Variants in KLHDC4 observed in about 807,000 individuals in gnomAD.
KLHDC4 encodes the protein kelch domain-containing protein 4.
A neutral mutation model predicts 62.4 loss-of-function variants in KLHDC4; 90 were observed. That is an observed-to-expected ratio of 1.44 (90% CI 1.22 to 1.72). The LOEUF (loss-of-function observed/expected upper bound fraction) is 1.72. Among genes scored for constraint, KLHDC4 ranks in the 40% most tolerant of loss-of-function variants. The pLI, the probability that KLHDC4 is intolerant of heterozygous loss-of-function variation, is 0.00. For synonymous variants in KLHDC4, 386 were observed against 284.4 expected (o/e 1.36, Z -3.59); for missense variants, 1,025 against 699.7 (o/e 1.47, Z -5.25).
In KLHDC4 at chr16:87,709,618, G is replaced by A. The variant is rs766273000; in HGVS notation, c.1094C>T (p.Pro365Leu). 1 of 1,609,878 alleles carries A rather than the reference G, an allele frequency of 6.2e-7. No individual in the cohort carries two copies. Among genetic ancestry groups the A allele is most frequent in the Admixed American group, 1.7e-5 (1 of 59,580 alleles). Reference sequence around the variant, plus strand: ...ACACGCCGGCCTGCTACCACCTTCGGGCTCCTCTTTTCTGCCCCGCCTGCG... The same window carrying A: ...ACACGCCGGCCTGCTACCACCTTCGAGCTCCTCTTTTCTGCCCCGCCTGCG... Reference protein sequence around the residue: ...KKRRRGRKEEPEGGSRPACGG... With the variant: ...KKRRRGRKEELEGGSRPACGG... The change falls in exon 10 of 12, where the codon CCC (proline) becomes CTC (leucine). Residue 365 changes from proline (P) to leucine (L), a missense_variant. Pro to Leu is a moderately conservative substitution (Grantham distance 98). Coordinates refer to ENST00000270583, the MANE Select transcript of KLHDC4 (RefSeq NM_017566.4).
intron 6 of KLHDC4, among the ~76,000 whole-genome samples, chr16:87,727,515 C>T (rs1390518267): frequency 2.0e-5 from 3 of 152,120 alleles, no homozygotes; most frequent in East Asian, 3.9e-4. Context: ...CCACAGAAGC[C>T]GACCCTCTGT....
At chr16:87,756,530 A>G in intron 2 of KLHDC4, 53 bp from the exon 3 acceptor site, 2 of 1,304,674 alleles carry the variant, frequency 1.5e-6, no homozygotes, top group Non-Finnish European at 1.1e-6. Context: ...TACCCACCTG[A>G]GCGCTGTCCC....
intron 2 of KLHDC4, among the ~76,000 whole-genome samples, chr16:87,758,154 T>G (rs536734174): frequency 6.6e-6 from 1 of 152,226 alleles, no homozygotes; most frequent in African/African-American, 2.4e-5. Flanking sequence ...TGTCATAGGC[T>G]GGGAATTTCT....
chr16:87,730,692 G>C, intron 5 of KLHDC4, 48 bp from the exon 6 acceptor site: 2 of 1,531,616 alleles, frequency 1.3e-6, no homozygotes, highest in Non-Finnish European at 1.8e-6. Flanking sequence ...TTAATTTCTG[G>C]TTGTTCTAAA....
chr16:87,756,516 C>A, intron 2 of KLHDC4, 39 bp from the exon 3 acceptor site: 2 of 1,445,526 alleles, frequency 1.4e-6, no homozygotes, highest in Non-Finnish European at 1.9e-6. Flanking sequence ...AAGATCACCC[C>A]CGATACCCAC....
Position 87,714,587 on chromosome 16 carries a change from G to C in KLHDC4, c.760-14C>G, listed in dbSNP as rs767539144. 3.1e-6 allele frequency: 5 copies of C among 1,613,998 alleles called. No homozygotes were observed. Among genetic ancestry groups the C allele is most frequent in the Non-Finnish European group, 4.2e-6 (5 of 1,179,874 alleles). ...TTTCTTAACTCTCTGCAATGGAAAG[G>C]AATTGTGTGAGAACCGGGGGCAGCT... On this transcript the variant is annotated splice_polypyrimidine_tract_variant and intron_variant, in intron 7 of 11. Transcript: ENST00000270583.
At chr16:87,757,816 C>A (rs534989389) in intron 2 of KLHDC4, among the ~76,000 whole-genome samples, 29 of 151,998 alleles carry the variant, frequency 1.9e-4, no homozygotes, top group African/African-American at 7.0e-4. Flanking sequence ...CACTTGAACC[C>A]GGGAGGCAGA....
intron 3 of KLHDC4, chr16:87,755,600 G>C (rs1051788991): frequency 8.1e-6 from 2 of 248,006 alleles, no homozygotes; most frequent in Admixed American, 5.2e-5. Flanking sequence ...ATGAAGTCTC[G>C]CTGTTGCCCA....
At chr16:87,708,510 G>A (rs1206952589) in intron 10 of KLHDC4, 44 bp from the exon 11 acceptor site, 1 of 1,455,344 alleles carries the variant, frequency 6.9e-7, no homozygotes, top group Admixed American at 1.9e-5. Context: ...GCGCAGCTGA[G>A]GCAGGTGGGG....
intron 7 of KLHDC4, among the ~76,000 whole-genome samples, chr16:87,720,972 T>G (rs990309630): frequency 3.7e-4 from 56 of 152,360 alleles, no homozygotes; most frequent in African/African-American, 1.3e-3. Context: ...GACAAGGCCC[T>G]GCCTGCTTCC....
chr16:87,734,839 T>A (rs907686820), intron 5 of KLHDC4, among the ~76,000 whole-genome samples: 2 of 151,948 alleles, frequency 1.3e-5, no homozygotes, highest in African/African-American at 4.8e-5. Context: ...GACAGCACCA[T>A]CCAGCGGACA....
chr16:87,711,917 G>C (rs2035943132), intron 8 of KLHDC4, among the ~76,000 whole-genome samples: 1 of 117,016 alleles, frequency 8.5e-6, no homozygotes, highest in Non-Finnish European at 1.6e-5. Flanking sequence ...CTGAATGCCT[G>C]TGCCAGCCCC....
chr16:87,714,585 AG>A lies in KLHDC4; in HGVS notation c.760-13del. 1 of 1,614,094 alleles carries A rather than the reference AG, an allele frequency of 6.2e-7. No individual in the cohort carries two copies. Among genetic ancestry groups the A allele is most frequent in the East Asian group, 2.2e-5 (1 of 44,870 alleles). On this transcript the variant is annotated splice_polypyrimidine_tract_variant and intron_variant, in intron 7 of 11. Transcript: ENST00000270583. ...TCTTTCTTAACTCTCTGCAATGGAA[AG>A]GAATTGTGTGAGAACCGGGGGCAGC... is the stretch of plus-strand genomic sequence containing the variant.
intron 7 of KLHDC4, among the ~76,000 whole-genome samples, chr16:87,716,855 C>T (rs993577415): frequency 5.9e-5 from 9 of 152,148 alleles, no homozygotes; most frequent in Non-Finnish European, 1.2e-4. Flanking sequence ...TGGCATGAAC[C>T]CAGGAGGCGG....
chr16:87,741,502 G>T (rs544383627), intron 5 of KLHDC4, among the ~76,000 whole-genome samples: 1 of 152,288 alleles, frequency 6.6e-6, no homozygotes, highest in South Asian at 2.1e-4. Flanking sequence ...AGCTCCTTAG[G>T]ACAATCTAAT....
intron 8 of KLHDC4, among the ~76,000 whole-genome samples, chr16:87,711,852 C>T (rs377599142): frequency 6.6e-6 from 1 of 150,576 alleles, no homozygotes; most frequent in Non-Finnish European, 1.5e-5. Flanking sequence ...CACCAGCCCC[C>T]CTTGGGCCTG....
At position 87,716,276 on chromosome 16, in the gene KLHDC4, G is replaced by A. The variant is rs577650366; in HGVS notation, c.760-1703C>T. On this transcript the variant is annotated intron_variant, in intron 7 of 11. Transcript: ENST00000270583. ...ATACTGACATAGACTTTGGGTACAC[G>A]CTATGGTCTTGTAGATATTGACGTA... 4.1e-5 allele frequency among the ~76,000 whole-genome samples: 6 copies of A among 147,956 alleles called. No homozygotes were observed. In the South Asian group the frequency reaches 1.1e-3, roughly 27 times the overall value.
chr16:87,750,486 T>C (rs1026971440), intron 4 of KLHDC4: 8 of 152,420 alleles, frequency 5.2e-5, no homozygotes, highest in South Asian at 2.1e-4. Flanking sequence ...GCCGTGGTCA[T>C]TGCAGAGTTG....
chr16:87,704,549 G>A (rs1380103599), downstream of KLHDC4, among the ~76,000 whole-genome samples: 3 of 136,216 alleles, frequency 2.2e-5, no homozygotes, highest in Non-Finnish European at 4.8e-5. Flanking sequence ...GGTCCTGAAC[G>A]TCACGGGGAA....
Sources: allele counts gnomAD v4.1 joint callset (sites outside exome capture counted in the v4.1 genomes callset), GRCh38; gene constraint gnomAD v4.1.1; transcripts MANE v1.5; gene names NCBI Gene and HGNC (gene_info 2026-07-23, HGNC 2026-07-21).